BMAL2: variants seen among roughly 807,000 people sequenced by gnomAD.
BMAL2 encodes the protein basic helix-loop-helix ARNT like 2, also known as basic helix-loop-helix ARNT-like protein 2.
At chr12:27,345,250 G>C in the BMAL2 span, among the ~76,000 whole-genome samples, 1 of 152,240 alleles carries the variant, frequency 6.6e-6, no homozygotes, top group Admixed American at 6.5e-5. Context: ...AAAAGGTAGT[G>C]CTGGGGAGGG....
chr12:27,339,772 A>C, the BMAL2 span, among the ~76,000 whole-genome samples: 2 of 152,188 alleles, frequency 1.3e-5, no homozygotes, highest in South Asian at 2.1e-4. Flanking sequence ...CTACAGGTGC[A>C]CGCCGCCATA....
chr12:27,368,834 C>T, the BMAL2 span, among the ~76,000 whole-genome samples: 3 of 152,168 alleles, frequency 2.0e-5, no homozygotes, highest in Non-Finnish European at 2.9e-5. Context: ...ATATAAAATT[C>T]GTGCTTTCCC....
the BMAL2 span, among the ~76,000 whole-genome samples, chr12:27,360,120 A>G: frequency 6.6e-6 from 1 of 152,040 alleles, no homozygotes; most frequent in African/African-American, 2.4e-5. Context: ...AGCACTGAGA[A>G]GGGCACAGCA....
the BMAL2 span, among the ~76,000 whole-genome samples, chr12:27,417,268 T>C: frequency 6.6e-6 from 1 of 152,354 alleles, no homozygotes; most frequent in Admixed American, 6.5e-5. Context: ...AACTTTTCAG[T>C]AACAGCATTT....
chr12:27,390,113 A>G, the BMAL2 span: 2 of 1,613,738 alleles, frequency 1.2e-6, no homozygotes, highest in African/African-American at 1.3e-5. Context: ...GCAAGTTCAC[A>G]GTAATCTCCA....
At chr12:27,368,089 C>T in the BMAL2 span, among the ~76,000 whole-genome samples, 27 of 151,872 alleles carry the variant, frequency 1.8e-4, no homozygotes, top group Non-Finnish European at 2.8e-4. Context: ...GTGATCCACC[C>T]GCCTCAGCCT....
At chr12:27,384,565 C>T in the BMAL2 span, among the ~76,000 whole-genome samples, 1 of 152,080 alleles carries the variant, frequency 6.6e-6, no homozygotes, top group Admixed American at 6.5e-5. Context: ...TAGTGGTCCC[C>T]CCTTATCCAT....
the BMAL2 span, among the ~76,000 whole-genome samples, chr12:27,377,175 C>G: frequency 2.2e-4 from 33 of 152,250 alleles, no homozygotes; most frequent in African/African-American, 7.2e-4. Context: ...CTACAAAATA[C>G]TGCCATGGTT....
At chr12:27,373,312 TATTTTC>T in the BMAL2 span, among the ~76,000 whole-genome samples, 16 of 152,206 alleles carry the variant, frequency 1.1e-4, no homozygotes, top group East Asian at 2.9e-3. Flanking sequence ...TGGAGGGTGG[TATTTTC>T]ATTCACTTAG....
the BMAL2 span, among the ~76,000 whole-genome samples, chr12:27,355,911 A>T: frequency 1.3e-5 from 2 of 152,200 alleles, no homozygotes; most frequent in Non-Finnish European, 2.9e-5. Flanking sequence ...TCGCTCCCCT[A>T]AGATGAATTA....
At chr12:27,370,670 A>G in the BMAL2 span, among the ~76,000 whole-genome samples, 1 of 152,010 alleles carries the variant, frequency 6.6e-6, no homozygotes, top group African/African-American at 2.4e-5. Context: ...AAATGGCGCA[A>G]TCTCGGCTCA....
At chr12:27,408,227 T>A in the BMAL2 span, among the ~76,000 whole-genome samples, 1 of 152,164 alleles carries the variant, frequency 6.6e-6, no homozygotes, top group South Asian at 2.1e-4. Context: ...GAGGGAATCC[T>A]CCCTAACTAA....
the BMAL2 span, among the ~76,000 whole-genome samples, chr12:27,381,572 C>T: frequency 2.6e-5 from 4 of 152,168 alleles, no homozygotes; most frequent in Non-Finnish European, 4.4e-5. Flanking sequence ...GGAAAATCCA[C>T]AAGCATGATC....
At chr12:27,374,874 AGT>A in the BMAL2 span, among the ~76,000 whole-genome samples, 2 of 152,222 alleles carry the variant, frequency 1.3e-5, no homozygotes, top group Non-Finnish European at 2.9e-5. Context: ...GTGAGAATCA[AGT>A]GTGGAAATAT....
At chr12:27,406,352 G>A in the BMAL2 span, among the ~76,000 whole-genome samples, 1 of 152,208 alleles carries the variant, frequency 6.6e-6, no homozygotes, top group Non-Finnish European at 1.5e-5. Context: ...AGAAAGGTCA[G>A]GTTACCCACA....
the BMAL2 span, chr12:27,401,496 A>G: frequency 1.3e-6 from 2 of 1,559,580 alleles, no homozygotes; most frequent in Non-Finnish European, 1.7e-6. Flanking sequence ...ATTGACTATT[A>G]TGCTGATAAT....
chr12:27,349,930 C>T, the BMAL2 span, among the ~76,000 whole-genome samples: 4 of 152,292 alleles, frequency 2.6e-5, no homozygotes, highest in East Asian at 5.8e-4. Context: ...GCAGAGGTGG[C>T]GAGCTCCTCA....
the BMAL2 span, among the ~76,000 whole-genome samples, chr12:27,414,692 T>A: frequency 1.3e-5 from 2 of 151,996 alleles, no homozygotes; most frequent in South Asian, 4.2e-4. Flanking sequence ...AATACCTATG[T>A]TAAGAAAAAA....
At chr12:27,390,085 C>G in the BMAL2 span, 1 of 1,613,302 alleles carries the variant, frequency 6.2e-7, no homozygotes, top group African/African-American at 1.3e-5. Context: ...TCGCCCCCTT[C>G]TGCACGAAAG....
Sources: allele counts gnomAD v4.1 joint callset (sites outside exome capture counted in the v4.1 genomes callset), GRCh38; gene constraint gnomAD v4.1.1; transcripts MANE v1.5; gene names NCBI Gene and HGNC (gene_info 2026-07-23, HGNC 2026-07-21).